Variants in TRIM2 observed in about 807,000 individuals in gnomAD.
The protein encoded by TRIM2 is tripartite motif containing 2.
In TRIM2, 20 loss-of-function variants were observed where a neutral mutation model predicts 75.2. The observed-to-expected ratio is 0.27, with a 90% CI of 0.19 to 0.39. TRIM2 has a LOEUF of 0.39. TRIM2 is among the 10% of genes least tolerant of loss of function. The pLI is 1.00. For synonymous variants in TRIM2, 373 were observed against 388.3 expected (o/e 0.96, Z 0.46); for missense variants, 660 against 990.8 (o/e 0.67, Z 4.48).
rs1490111372 is a variant in TRIM2 at position 153,337,827 on chromosome 4, T to G, written c.*2861T>G. 3.0e-6 allele frequency: 3 copies of G among 985,740 alleles called. No individual in the cohort carries two copies. Among genetic ancestry groups the G allele is most frequent in the African/African-American group, 3.5e-5 (2 of 57,238 alleles). The allele number at this position is 985,740 out of a possible 1,614,324, so 61.1% of individuals were successfully genotyped here. A position where few individuals can be genotyped will look rare whatever the true frequency, so the allele number is the denominator to read the frequency against. On this transcript the variant is annotated 3_prime_UTR_variant, in exon 12 of 12. Coordinates refer to ENST00000338700, the MANE Select transcript of TRIM2 (RefSeq NM_015271.5). Reference sequence around the variant, plus strand: ...AAAAATTACTCATTCAAATTTCCCCTGGGCACGTAAGGCAAAATATTGCCG... The same window carrying G: ...AAAAATTACTCATTCAAATTTCCCCGGGGCACGTAAGGCAAAATATTGCCG...
chr4:153,212,627 G>A (rs1421205536), intron 1 of TRIM2, among the ~76,000 whole-genome samples: 1 of 152,094 alleles, frequency 6.6e-6, no homozygotes, highest in African/African-American at 2.4e-5. Context: ...CTGCAGTCCA[G>A]CCTGGGCAAC....
At chr4:153,198,269 C>T (rs1560803681) in intron 1 of TRIM2, among the ~76,000 whole-genome samples, 1 of 152,150 alleles carries the variant, frequency 6.6e-6, no homozygotes, top group Non-Finnish European at 1.5e-5. Flanking sequence ...TGAATTGTAT[C>T]TCCCAGAATT....
At chr4:153,272,884 G>A (rs1461049165) in intron 2 of TRIM2, among the ~76,000 whole-genome samples, 2 of 152,220 alleles carry the variant, frequency 1.3e-5, no homozygotes, top group Non-Finnish European at 2.9e-5. Context: ...TCTGTCACCA[G>A]GCTGGAGTGC....
At chr4:153,268,023 A>G (rs1755714622) in intron 1 of TRIM2, among the ~76,000 whole-genome samples, 1 of 152,146 alleles carries the variant, frequency 6.6e-6, no homozygotes, top group Non-Finnish European at 1.5e-5. Flanking sequence ...GGGAGTGCTG[A>G]CTGGTCAGGT....
chr4:153,314,221 C>A lies in TRIM2; in HGVS notation c.1511-1264C>A, dbSNP rs1202391747. Among the ~76,000 whole-genome samples the A allele has an allele frequency of 1.4e-5, 2 of 144,550 alleles. 1 individual carries two copies. The highest frequency in any genetic ancestry group is 5.8e-5 in the African/African-American group (2 of 34,460). 94.8% of individuals were successfully genotyped at this position (144,550 alleles called of 152,430 possible). On this transcript the variant is annotated intron_variant, in intron 6 of 11. Transcript: ENST00000338700. ...GGATCACGAGGTCAGGAGATCGAGA[C>A]CATCCCGGCTAAAACGGTGAAACCC...
At chr4:153,195,522 A>G (rs978320809) in intron 1 of TRIM2, among the ~76,000 whole-genome samples, 6 of 152,148 alleles carry the variant, frequency 3.9e-5, no homozygotes, top group Non-Finnish European at 7.3e-5. Flanking sequence ...TCTCAAAAGA[A>G]AAAAAGAAAA....
intron 1 of TRIM2, among the ~76,000 whole-genome samples, chr4:153,181,862 A>G (rs72963170): frequency 0.24 from 36,118 of 152,008 alleles, 4,899 homozygotes; most frequent in African/African-American, 0.36. Flanking sequence ...GCTGTGTGCC[A>G]GGGCGGGTGC....
Position 153,336,164 on chromosome 4 carries a change from G to A in TRIM2, c.*1198G>A, listed in dbSNP as rs936030801. Reference sequence around the variant, plus strand: ...CACACATATATATAGCTGAATCTTTGGTGTATTGAAATAGGCAGCACTCTG... The same window carrying A: ...CACACATATATATAGCTGAATCTTTAGTGTATTGAAATAGGCAGCACTCTG... On this transcript the variant is annotated 3_prime_UTR_variant, in exon 12 of 12. Transcript: ENST00000338700. The A allele has an allele frequency of 1.0e-6, 1 of 984,304 alleles. No individual in the cohort carries two copies. Among genetic ancestry groups the A allele is most frequent in the African/African-American group, 1.8e-5 (1 of 56,700 alleles). The allele number at this position is 984,304 out of a possible 1,614,324, so 61.0% of individuals were successfully genotyped here.
chr4:153,318,469 T>C (rs1768180640), intron 8 of TRIM2, among the ~76,000 whole-genome samples: 1 of 152,198 alleles, frequency 6.6e-6, no homozygotes, highest in Non-Finnish European at 1.5e-5. Context: ...AGAAATTTAA[T>C]GGCTCTGTAT....
At chr4:153,260,758 C>G (rs1161551696) in intron 1 of TRIM2, among the ~76,000 whole-genome samples, 35 of 135,656 alleles carry the variant, frequency 2.6e-4, no homozygotes, top group African/African-American at 8.9e-4. Context: ...TCATCATCAT[C>G]ATCATCAGGA....
intron 11 of TRIM2, among the ~76,000 whole-genome samples, chr4:153,329,069 T>C (rs1469671639): frequency 6.6e-6 from 1 of 152,218 alleles, no homozygotes; most frequent in Non-Finnish European, 1.5e-5. Context: ...ACAGAAATTT[T>C]CATATCATAT....
Position 153,339,171 on chromosome 4 carries a change from C to T in TRIM2, c.*4205C>T, listed in dbSNP as rs1772815795. ...CAAAGTGTTTGTATGTTCGTAGCTA[C>T]ATACGTACCACAGTATTTTGGATGC... On this transcript the variant is annotated 3_prime_UTR_variant, in exon 12 of 12. Transcript: ENST00000338700. 3.0e-6 allele frequency: 3 copies of T among 985,842 alleles called. No individual in the cohort carries two copies. Among genetic ancestry groups the T allele is most frequent in the Non-Finnish European group, 3.6e-6 (3 of 829,912 alleles). 61.1% of individuals were successfully genotyped at this position (985,842 alleles called of 1,614,324 possible). A position where few individuals can be genotyped will look rare whatever the true frequency, so the allele number is the denominator to read the frequency against.
intron 1 of TRIM2, among the ~76,000 whole-genome samples, chr4:153,155,032 A>G (rs748298704): frequency 4.6e-5 from 7 of 152,106 alleles, no homozygotes; most frequent in Non-Finnish European, 1.0e-4. Flanking sequence ...CCCAGCTACT[A>G]GAGAGGCTGA....
chr4:153,304,979 T>A (rs1433772098), intron 6 of TRIM2, among the ~76,000 whole-genome samples: 1 of 152,230 alleles, frequency 6.6e-6, no homozygotes, highest in African/African-American at 2.4e-5. Context: ...ATTAAGAAGC[T>A]TTTGCAGTAG....
At chr4:153,253,689 C>T (rs1396951095) in intron 1 of TRIM2, among the ~76,000 whole-genome samples, 4 of 152,088 alleles carry the variant, frequency 2.6e-5, no homozygotes, top group East Asian at 1.9e-4. Flanking sequence ...GTAAAGGAGC[C>T]GGCCCAAACC....
Position 153,270,502 on chromosome 4 carries a change from G to A in TRIM2, c.198G>A (p.Leu66=). 6.2e-7 allele frequency: 1 copy of A among 1,609,284 alleles called. No homozygotes were observed. The highest frequency in any genetic ancestry group is 1.1e-5 in the South Asian group (1 of 89,886). The change falls in exon 2 of 12, where the codon CTG becomes CTA. Residue 66 remains leucine (L), a synonymous_variant. Transcript: ENST00000338700. ...RYKNPKVLPC[L]HTFCERCLQN... ...AGAATCCCAAGGTTCTCCCCTGTCT[G>A]CACACTTTCTGCGAGAGGTAAGCCT...
At chr4:153,284,958 C>G (rs970183037) in intron 3 of TRIM2, among the ~76,000 whole-genome samples, 5 of 152,088 alleles carry the variant, frequency 3.3e-5, no homozygotes, top group Admixed American at 2.6e-4. Context: ...AGCCTAATTT[C>G]TCTATTTTTT....
At chr4:153,261,688 A>G (rs1338677894) in intron 1 of TRIM2, among the ~76,000 whole-genome samples, 2 of 152,214 alleles carry the variant, frequency 1.3e-5, no homozygotes, top group Non-Finnish European at 2.9e-5. Flanking sequence ...CTTCTCCAGA[A>G]GAGCGATTTA....
At chr4:153,300,949 G>C (rs922669294) in intron 6 of TRIM2, among the ~76,000 whole-genome samples, 11 of 151,782 alleles carry the variant, frequency 7.2e-5, no homozygotes, top group Admixed American at 2.0e-4. Context: ...CCAGCACCTT[G>C]GGAGGTCCAG....
Sources: gnomAD v4.1 joint callset for allele counts (sites outside exome capture counted in the v4.1 genomes callset) on GRCh38, gnomAD v4.1.1 for gene constraint, MANE v1.5 for transcripts, NCBI Gene and HGNC (gene_info 2026-07-23, HGNC 2026-07-21) for gene names.